The following MCPH1 variants were observed in gnomAD, a reference collection of about 807,000 sequenced individuals.
The protein encoded by MCPH1 is microcephalin.
In MCPH1, 104 loss-of-function variants were observed where a neutral mutation model predicts 84.5. That is an observed-to-expected ratio of 1.23 (90% CI 1.05 to 1.45). MCPH1 has a LOEUF of 1.45. MCPH1 is among the 40% of genes most tolerant of loss of function. The probability of loss-of-function intolerance (pLI) is 0.00; values close to 1 mark genes in which losing one functional copy is unlikely to be tolerated. For synonymous variants in MCPH1, 514 were observed against 366.8 expected, an observed-to-expected ratio of 1.40 and a Z score of -4.58; for missense variants, 1,498 against 1,005.7, an observed-to-expected ratio of 1.49 and a Z score of -6.62.
chr8:6,457,389 A>T (rs1475955256), intron 9 of MCPH1, among the ~76,000 whole-genome samples: 1 of 151,754 alleles, frequency 6.6e-6, no homozygotes, highest in Non-Finnish European at 1.5e-5. Context: ...GTTCGAGACC[A>T]GCCTGGCCAA....
intron 12 of MCPH1, among the ~76,000 whole-genome samples, chr8:6,591,243 T>C (rs533796235): frequency 9.8e-5 from 15 of 152,386 alleles, no homozygotes; most frequent in Admixed American, 8.5e-4. Context: ...CTCAGTACGA[T>C]GAGTAGTTAA....
intron 12 of MCPH1, among the ~76,000 whole-genome samples, chr8:6,538,359 G>T (rs529165299): frequency 6.6e-6 from 1 of 152,134 alleles, no homozygotes; most frequent in Non-Finnish European, 1.5e-5. Context: ...TGCTGGCCAC[G>T]CATCCCCCAG....
chr8:6,583,655 G>C (rs148665040), intron 12 of MCPH1, among the ~76,000 whole-genome samples: 28 of 152,286 alleles, frequency 1.8e-4, no homozygotes, highest in African/African-American at 5.8e-4. Context: ...TGAGGGCAAG[G>C]TGATTGCAAA....
chr8:6,441,324 T>G (rs1238460352), intron 6 of MCPH1, among the ~76,000 whole-genome samples: 1 of 152,250 alleles, frequency 6.6e-6, no homozygotes, highest in Admixed American at 6.5e-5. Context: ...TCTGCTACTT[T>G]ACTGCGTCCA....
intron 12 of MCPH1, among the ~76,000 whole-genome samples, chr8:6,557,094 T>C (rs186565076): frequency 1.4e-3 from 218 of 152,344 alleles, no homozygotes; most frequent in African/African-American, 5.0e-3. Flanking sequence ...AATAACGCAC[T>C]TCTGCCCAAA....
At chr8:6,484,964 T>A (rs1809691067) in intron 11 of MCPH1, among the ~76,000 whole-genome samples, 1 of 152,210 alleles carries the variant, frequency 6.6e-6, no homozygotes, top group Non-Finnish European at 1.5e-5. Flanking sequence ...ATCCATGTAT[T>A]AAAACACAGA....
intron 9 of MCPH1, among the ~76,000 whole-genome samples, chr8:6,475,308 G>A (rs540828528): frequency 5.3e-5 from 8 of 152,360 alleles, no homozygotes; most frequent in Admixed American, 2.6e-4. Flanking sequence ...CTCCTTTTAC[G>A]TGGTGGACAG....
chr8:6,538,091 C>G (rs763359698), intron 12 of MCPH1, among the ~76,000 whole-genome samples: 35 of 152,058 alleles, frequency 2.3e-4, no homozygotes, highest in African/African-American at 7.2e-4. Context: ...GCAACCATCT[C>G]TCACACACAC....
chr8:6,628,667 G>A (rs1337440520), intron 13 of MCPH1, among the ~76,000 whole-genome samples: 1 of 152,168 alleles, frequency 6.6e-6, no homozygotes, highest in African/African-American at 2.4e-5. Context: ...GGTTGTGGCA[G>A]GAAACTTTGA....
chr8:6,416,215 G>A (rs969417048), intron 3 of MCPH1, among the ~76,000 whole-genome samples: 5 of 152,156 alleles, frequency 3.3e-5, no homozygotes, highest in African/African-American at 7.2e-5. Flanking sequence ...TATATGCAAT[G>A]TTGTGTAATT....
rs962229913 is a variant in MCPH1, at chr8:6,483,923, C to T, written c.2136+3047C>T. Among the ~76,000 whole-genome samples, 44 of 152,074 alleles carry T rather than the reference C, an allele frequency of 2.9e-4. 1 individual carries two copies. Among genetic ancestry groups the T allele is most frequent in the African/African-American group, 9.9e-4 (41 of 41,494 alleles). ...GGAGAACCTCATTCTATACCTTACA[C>T]GAGCCACAAAAATTACCTCCAAATG... On this transcript the variant is annotated intron_variant, in intron 11 of 13. Transcript: ENST00000344683.
Position 6,445,567 on chromosome 8 carries a change from C to T in MCPH1, c.1825+20C>T. 1 of 1,559,136 alleles carries T rather than the reference C, an allele frequency of 6.4e-7. No individual in the cohort carries two copies. The highest frequency in any genetic ancestry group is 8.6e-7 in the Non-Finnish European group (1 of 1,156,878). ...GTGGAAGTATGTGAATCTCCTTTTC[C>T]AAGTCACCTTCGCTAAATAAACATG... On this transcript the variant is annotated intron_variant, in intron 8 of 13. Coordinates refer to ENST00000344683, the MANE Select transcript of MCPH1 (RefSeq NM_024596.5).
At chr8:6,602,094 T>A (rs1423883586) in intron 12 of MCPH1, among the ~76,000 whole-genome samples, 1 of 152,216 alleles carries the variant, frequency 6.6e-6, no homozygotes, top group Non-Finnish European at 1.5e-5. Flanking sequence ...TTCCTGAGTT[T>A]AAATGGAATC....
rs1422345652 is a variant in MCPH1, at chr8:6,643,089, C to G, written c.*40C>G. On this transcript the variant is annotated 3_prime_UTR_variant, in exon 14 of 14. Transcript: ENST00000344683. ...GCCTGTGGTGACTGCACACAGCTCG[C>G]AAAACTGTCTTTGGATGTTCAAATG... 5 of 1,555,200 alleles carry G rather than the reference C, an allele frequency of 3.2e-6. No homozygotes were observed. In the African/African-American group the frequency reaches 6.8e-5, roughly 21 times the overall value.
At chr8:6,609,881 G>A (rs1056033527) in intron 12 of MCPH1, among the ~76,000 whole-genome samples, 1 of 149,972 alleles carries the variant, frequency 6.7e-6, no homozygotes, top group African/African-American at 2.5e-5. Flanking sequence ...GCAGGTCATG[G>A]TTGCCTTATT....
intron 3 of MCPH1, 109 bp downstream of exon 3, chr8:6,414,992 C>T: frequency 8.9e-7 from 1 of 1,129,386 alleles, no homozygotes; most frequent in Admixed American, 2.2e-5. Flanking sequence ...TTCATCTTTT[C>T]TCTGCCTCTT....
intron 12 of MCPH1, among the ~76,000 whole-genome samples, chr8:6,512,335 T>C (rs751373517): frequency 5.3e-5 from 8 of 152,164 alleles, no homozygotes; most frequent in Non-Finnish European, 1.2e-4. Context: ...TCAAGGACTT[T>C]AACATTGTGT....
chr8:6,532,705 A>G (rs890943505), intron 12 of MCPH1, among the ~76,000 whole-genome samples: 1 of 152,036 alleles, frequency 6.6e-6, no homozygotes, highest in East Asian at 1.9e-4. Flanking sequence ...ACTTAGTCAC[A>G]TCATGTAAAG....
At chr8:6,495,896 C>A (rs538792089) in intron 11 of MCPH1, among the ~76,000 whole-genome samples, 1 of 152,294 alleles carries the variant, frequency 6.6e-6, no homozygotes, top group East Asian at 1.9e-4. Context: ...TTCTAACTAT[C>A]AGATTTGATT....
Sources: gnomAD v4.1 joint callset for allele counts (sites outside exome capture counted in the v4.1 genomes callset) on GRCh38, gnomAD v4.1.1 for gene constraint, MANE v1.5 for transcripts, NCBI Gene and HGNC (gene_info 2026-07-23, HGNC 2026-07-21) for gene names.